Variants in TLK2 observed in about 807,000 individuals in gnomAD.
TLK2 encodes the protein serine/threonine-protein kinase tousled-like 2.
In TLK2, 6 loss-of-function variants were observed where a neutral mutation model predicts 117.3. The observed-to-expected ratio is 0.05, with a 90% CI of 0.03 to 0.10. The LOEUF (loss-of-function observed/expected upper bound fraction) is 0.10, where lower values mean the gene tolerates loss of function less well. TLK2 is among the 10% of genes least tolerant of loss of function. TLK2 has a pLI of 1.00. For missense variants in TLK2, 299 were observed against 901.2 expected, an observed-to-expected ratio of 0.33 and a Z score of 8.56; for synonymous variants, 257 against 316.7, an observed-to-expected ratio of 0.81 and a Z score of 2.00.
chr17:62,609,388 C>G (rs1568021589), intron 21 of TLK2, among the ~76,000 whole-genome samples: 1 of 152,200 alleles, frequency 6.6e-6, no homozygotes, highest in African/African-American at 2.4e-5. Context: ...CAGCCAGTTA[C>G]AAGTCTAATC....
chr17:62,544,401 T>C (rs1400286636), intron 7 of TLK2, among the ~76,000 whole-genome samples: 1 of 152,102 alleles, frequency 6.6e-6, no homozygotes, highest in Non-Finnish European at 1.5e-5. Flanking sequence ...GAAAGTGCCA[T>C]GCACTTTTAA....
chr17:62,549,000 A>T (rs1325168504), intron 7 of TLK2, among the ~76,000 whole-genome samples: 2 of 151,060 alleles, frequency 1.3e-5, no homozygotes, highest in African/African-American at 4.9e-5. Flanking sequence ...CAGCCTCCCA[A>T]AGTGCTGGGA....
intron 10 of TLK2, 37 bp from the exon 11 acceptor site, chr17:62,564,964 T>A (rs770308061): frequency 1.3e-6 from 2 of 1,583,352 alleles, no homozygotes; most frequent in East Asian, 4.5e-5. Context: ...CCATGCTAAT[T>A]GGTATTGAAT....
chr17:62,512,143 T>C (rs2075193126), intron 2 of TLK2, among the ~76,000 whole-genome samples: 1 of 152,132 alleles, frequency 6.6e-6, no homozygotes, highest in South Asian at 2.1e-4. Flanking sequence ...GTTTAAACTT[T>C]TATTTCCCTA....
At chr17:62,573,882 G>A (rs961136658) in intron 12 of TLK2, among the ~76,000 whole-genome samples, 3 of 152,104 alleles carry the variant, frequency 2.0e-5, no homozygotes, top group Non-Finnish European at 4.4e-5. Flanking sequence ...TTCCTGTTCT[G>A]GGAATCTAAG....
intron 19 of TLK2, 59 bp downstream of exon 19, chr17:62,602,239 G>C: frequency 6.4e-7 from 1 of 1,552,638 alleles, no homozygotes; most frequent in Non-Finnish European, 8.7e-7. Flanking sequence ...CTATGCTGAA[G>C]TGTTGATAAT....
intron 7 of TLK2, among the ~76,000 whole-genome samples, chr17:62,546,966 T>C (rs1598493245): frequency 6.6e-6 from 1 of 152,338 alleles, no homozygotes; most frequent in East Asian, 1.9e-4. Context: ...ACTTTGATAA[T>C]CTTATTTTGT....
intron 7 of TLK2, among the ~76,000 whole-genome samples, chr17:62,541,030 T>C (rs1179753211): frequency 1.3e-5 from 2 of 152,190 alleles, no homozygotes; most frequent in Admixed American, 6.5e-5. Context: ...GGCCTTTGCG[T>C]TGGCTGTTGC....
intron 2 of TLK2, among the ~76,000 whole-genome samples, chr17:62,483,549 C>T (rs1303224394): frequency 1.3e-5 from 2 of 152,232 alleles, no homozygotes; most frequent in Non-Finnish European, 2.9e-5. Flanking sequence ...CTAGCCTAGG[C>T]TGGAGTGCAG....
intron 19 of TLK2, among the ~76,000 whole-genome samples, chr17:62,604,802 G>A (rs980944607): frequency 1.3e-5 from 2 of 151,698 alleles, no homozygotes; most frequent in South Asian, 2.1e-4. Flanking sequence ...CCAGCTATTC[G>A]GAGGTTGCAG....
intron 11 of TLK2, 51 bp from the exon 12 acceptor site, chr17:62,573,164 T>C: frequency 1.3e-6 from 2 of 1,557,472 alleles, no homozygotes; most frequent in Non-Finnish European, 1.7e-6. Flanking sequence ...TCCATAGCTG[T>C]GGTAAAACTT....
chr17:62,491,099 C>A (rs1024741510), intron 2 of TLK2, among the ~76,000 whole-genome samples: 2 of 152,092 alleles, frequency 1.3e-5, no homozygotes, highest in Non-Finnish European at 2.9e-5. Flanking sequence ...AGAAGTAATT[C>A]TTTATTTCAT....
chr17:62,474,184 T>C (rs2070994477), upstream of TLK2, among the ~76,000 whole-genome samples: 1 of 151,768 alleles, frequency 6.6e-6, no homozygotes, highest in Non-Finnish European at 1.5e-5. Context: ...GTTCATGCCA[T>C]TCTCCTGCCT....
At chr17:62,540,703 T>C (rs771881734) in intron 7 of TLK2, among the ~76,000 whole-genome samples, 5 of 152,062 alleles carry the variant, frequency 3.3e-5, no homozygotes, top group Non-Finnish European at 7.4e-5. Flanking sequence ...CTGGCCTGTG[T>C]TCAGAATTTT....
intron 19 of TLK2, among the ~76,000 whole-genome samples, chr17:62,603,584 T>C (rs1222809313): frequency 6.6e-6 from 1 of 152,144 alleles, no homozygotes; most frequent in African/African-American, 2.4e-5. Flanking sequence ...TGTAGTTGCT[T>C]ACCTACAAAA....
intron 7 of TLK2, among the ~76,000 whole-genome samples, chr17:62,541,099 G>A (rs2077498871): frequency 6.6e-6 from 1 of 151,986 alleles, no homozygotes; most frequent in Admixed American, 6.5e-5. Flanking sequence ...AGTTCCCTCT[G>A]GTTTCTGCTT....
At position 62,589,741 on chromosome 17, in the gene TLK2, G is replaced by A. The variant is rs28448470; in HGVS notation, c.1460+3515G>A. ...AAGGGTAGAGCGCTATACATTTATA[G>A]CATGCTAGAGTGAAAAATAACTTAG... On this transcript the variant is annotated intron_variant, in intron 16 of 21. Transcript: ENST00000346027. Among the ~76,000 whole-genome samples, 1,391 of 152,280 alleles carry A rather than the reference G, an allele frequency of 9.1e-3. 11 individuals carry two copies. The highest frequency in any genetic ancestry group is 0.032 in the African/African-American group (1,309 of 41,552).
At chr17:62,504,551 C>T (rs1423943675) in intron 2 of TLK2, among the ~76,000 whole-genome samples, 2 of 152,144 alleles carry the variant, frequency 1.3e-5, no homozygotes, top group Admixed American at 6.5e-5. Flanking sequence ...TGCCTATAAT[C>T]TGTGCACTTT....
rs149762325 is a variant in TLK2 at position 62,528,037 on chromosome 17, A to G, written c.363+3706A>G. Reference sequence around the variant, plus strand: ...ATTACAGGCATGAGTCACCGTGCCCAGCCTAGAATGTTAATCTCATAAGAA... The same window carrying G: ...ATTACAGGCATGAGTCACCGTGCCCGGCCTAGAATGTTAATCTCATAAGAA... On this transcript the variant is annotated intron_variant, in intron 6 of 21. Transcript: ENST00000346027. 5.7e-3 allele frequency among the ~76,000 whole-genome samples: 867 copies of G among 152,284 alleles called. 4 individuals carry two copies. The highest frequency in any genetic ancestry group is 8.3e-3 in the Non-Finnish European group (565 of 68,018).
Sources: allele counts gnomAD v4.1 joint callset (sites outside exome capture counted in the v4.1 genomes callset), GRCh38; gene constraint gnomAD v4.1.1; transcripts MANE v1.5; gene names NCBI Gene and HGNC (gene_info 2026-07-23, HGNC 2026-07-21).